The following EYS variants were observed in gnomAD, a reference collection of about 807,000 sequenced individuals.
The protein encoded by EYS is protein eyes shut homolog.
Under a neutral mutation model 282.1 loss-of-function variants are expected in EYS, and 250 were observed. That is an observed-to-expected ratio of 0.89 (90% confidence interval 0.80 to 0.98). The LOEUF is 0.98. Ranked by LOEUF, EYS falls within the 50% of genes least tolerant of loss-of-function variation. The probability of loss-of-function intolerance (pLI) is 0.00; values close to 1 mark genes in which losing one functional copy is unlikely to be tolerated. For missense variants in EYS, 4,016 were observed against 3,709.0 expected (o/e 1.08, Z -2.15); for synonymous variants, 1,355 against 1,282.9 (o/e 1.06, Z -1.20).
chr6:65,099,166 A>G (rs1774821886), intron 12 of EYS, among the ~76,000 whole-genome samples: 1 of 150,632 alleles, frequency 6.6e-6, no homozygotes, highest in Non-Finnish European at 1.5e-5. Flanking sequence ...CCAAATTCAA[A>G]CACCTTAAAT....
At chr6:65,124,595 T>G (rs960138605) in intron 12 of EYS, among the ~76,000 whole-genome samples, 3 of 151,948 alleles carry the variant, frequency 2.0e-5, no homozygotes, top group Non-Finnish European at 4.4e-5. Flanking sequence ...CAATCTGCAT[T>G]AAATCATAGT....
chr6:65,364,769 G>A (rs1240464195), intron 8 of EYS, among the ~76,000 whole-genome samples: 2 of 151,658 alleles, frequency 1.3e-5, no homozygotes, highest in Non-Finnish European at 2.9e-5. Context: ...TAGGATACAT[G>A]TATTAAAAAC....
rs200564145 is a variant in EYS, at chr6:64,143,915, G to GT, written c.6425-61914dup. Among the ~76,000 whole-genome samples, 702 of 150,718 alleles carry GT rather than the reference G, an allele frequency of 4.7e-3. 4 individuals carry two copies. The highest frequency in any genetic ancestry group is 0.017 in the African/African-American group (661 of 40,038). ...TCTTTTTCTTTTGGAAGTCATTGGG[G>GT]TATCCCCTTTTGAGCAGGTTAACTT... On this transcript the variant is annotated intron_variant, in intron 31 of 42. Coordinates refer to ENST00000503581, the MANE Select transcript of EYS (RefSeq NM_001142800.2).
At chr6:64,786,915 G>C (rs565669770) in intron 22 of EYS, among the ~76,000 whole-genome samples, 1 of 152,236 alleles carries the variant, frequency 6.6e-6, no homozygotes, top group East Asian at 1.9e-4. Context: ...CTTTTCATAT[G>C]CTGCCAAGAG....
rs1217507225 is a variant in EYS, at chr6:65,063,841, GAAGAGT to G, written c.2024-6120_2024-6115del. Reference sequence around the variant, plus strand: ...TACAGCTAAACTTTCAAAGTTGGCAGAAGAGTAAATCACTGTCTCTTGCCTTCCTCA... The same window carrying G: ...TACAGCTAAACTTTCAAAGTTGGCAGAAATCACTGTCTCTTGCCTTCCTCA... On this transcript the variant is annotated intron_variant, in intron 12 of 42. Transcript: ENST00000503581. Among the ~76,000 whole-genome samples, 8 of 151,928 alleles carry G rather than the reference GAAGAGT, an allele frequency of 5.3e-5. 1 individual carries two copies. The highest frequency in any genetic ancestry group is 8.8e-5 in the Non-Finnish European group (6 of 67,944).
chr6:64,654,204 A>G (rs576392503), intron 22 of EYS, among the ~76,000 whole-genome samples: 12 of 152,330 alleles, frequency 7.9e-5, no homozygotes, highest in Admixed American at 6.5e-4. Context: ...GGAGATTAAT[A>G]TTAATAGACT....
At position 65,226,933 on chromosome 6, in the gene EYS, G is replaced by A. The variant is rs182549859; in HGVS notation, c.2023+68930C>T. ...ATAACAAACAATGGAATATTATTCA[G>A]TTATAAAAGCAAAATAAGTGGCCTA... is the stretch of plus-strand genomic sequence containing the variant. On this transcript the variant is annotated intron_variant, in intron 12 of 42. Transcript: ENST00000503581. Among the ~76,000 whole-genome samples, 9 of 152,160 alleles carry A rather than the reference G, an allele frequency of 5.9e-5. No individual in the cohort carries two copies. The East Asian group carries it at 1.7e-3, about 29-fold the overall frequency.
intron 24 of EYS, among the ~76,000 whole-genome samples, chr6:64,602,169 G>A (rs1429023040): frequency 6.6e-6 from 1 of 151,900 alleles, no homozygotes; most frequent in Admixed American, 6.6e-5. Flanking sequence ...AATGTCACTA[G>A]GTAGAAGCCT....
chr6:63,942,054 A>G (rs1486323425), intron 35 of EYS, among the ~76,000 whole-genome samples: 2 of 152,208 alleles, frequency 1.3e-5, no homozygotes, highest in Non-Finnish European at 2.9e-5. Context: ...AGTAGTCTAC[A>G]TAGTTTTTAG....
At chr6:65,408,151 G>T (rs1213445556) in intron 5 of EYS, among the ~76,000 whole-genome samples, 1 of 151,756 alleles carries the variant, frequency 6.6e-6, no homozygotes, top group African/African-American at 2.4e-5. Flanking sequence ...TACTTTATCA[G>T]GATAGAAAAA....
intron 29 of EYS, among the ~76,000 whole-genome samples, chr6:64,361,766 C>A (rs948466171): frequency 6.6e-6 from 1 of 151,606 alleles, no homozygotes; most frequent in Non-Finnish European, 1.5e-5. Context: ...TTGCACTCAT[C>A]ATTGTTTCAA....
intron 16 of EYS, among the ~76,000 whole-genome samples, chr6:64,908,806 A>C (rs973897635): frequency 6.6e-6 from 1 of 152,096 alleles, no homozygotes; most frequent in Non-Finnish European, 1.5e-5. Context: ...AGTGAAGACA[A>C]GACTCAAAGG....
chr6:65,097,309 C>A (rs1774766515), intron 12 of EYS, among the ~76,000 whole-genome samples: 1 of 150,880 alleles, frequency 6.6e-6, no homozygotes, highest in Non-Finnish European at 1.5e-5. Flanking sequence ...TAATCGACAG[C>A]TGTTAGGATG....
intron 22 of EYS, among the ~76,000 whole-genome samples, chr6:64,686,820 T>TA (rs1770140574): frequency 2.7e-5 from 1 of 37,576 alleles, no homozygotes; most frequent in African/African-American, 8.4e-5. Context: ...TATATATATA[T>TA]GTGTATATAT....
intron 12 of EYS, among the ~76,000 whole-genome samples, chr6:65,076,782 C>G (rs973863141): frequency 6.6e-6 from 1 of 151,776 alleles, no homozygotes; most frequent in Non-Finnish European, 1.5e-5. Flanking sequence ...TATCAGGGAT[C>G]TGGGAGGCAG....
intron 2 of EYS, among the ~76,000 whole-genome samples, chr6:65,606,924 G>T (rs564752162): frequency 6.6e-6 from 1 of 151,086 alleles, no homozygotes. Context: ...TTATTTTAAT[G>T]AATGAAGAAA....
intron 31 of EYS, among the ~76,000 whole-genome samples, chr6:64,115,233 G>A (rs1473888684): frequency 6.6e-6 from 1 of 152,128 alleles, no homozygotes; most frequent in African/African-American, 2.4e-5. Context: ...TGTGCTTCAT[G>A]CACCAATGCT....
chr6:63,853,420 T>C (rs377017887), intron 36 of EYS, among the ~76,000 whole-genome samples: 1 of 152,044 alleles, frequency 6.6e-6, no homozygotes, highest in East Asian at 1.9e-4. Context: ...GGAATATAAC[T>C]GACAAAGGAT....
At chr6:64,984,305 G>A (rs1337968797) in intron 14 of EYS, among the ~76,000 whole-genome samples, 2 of 151,344 alleles carry the variant, frequency 1.3e-5, no homozygotes, top group South Asian at 2.1e-4. Context: ...TAAAGGAGCA[G>A]AGAGGTTACC....
Sources: allele counts gnomAD v4.1 joint callset (sites outside exome capture counted in the v4.1 genomes callset), GRCh38; gene constraint gnomAD v4.1.1; transcripts MANE v1.5; gene names NCBI Gene and HGNC (gene_info 2026-07-23, HGNC 2026-07-21).